LCLAT1: variants seen among roughly 807,000 people sequenced by gnomAD.
The protein encoded by LCLAT1 is 1-AGP acyltransferase 8.
Under a neutral mutation model 30.7 loss-of-function variants are expected in LCLAT1, and 11 were observed. The ratio of observed to expected loss-of-function variants is 0.36; its 90% confidence interval spans 0.23 to 0.59. The LOEUF is 0.59. LCLAT1 is among the 20% of genes least tolerant of loss of function. The pLI, the probability that LCLAT1 is intolerant of heterozygous loss-of-function variation, is 0.77. For synonymous variants in LCLAT1, 155 were observed against 151.3 expected, an observed-to-expected ratio of 1.02 and a Z score of -0.18; for missense variants, 402 against 458.6, an observed-to-expected ratio of 0.88 and a Z score of 1.13.
chr2:30,516,270 C>G (rs945215648), intron 1 of LCLAT1, among the ~76,000 whole-genome samples: 1 of 152,120 alleles, frequency 6.6e-6, no homozygotes, highest in Non-Finnish European at 1.5e-5. Context: ...AATCTTGCAA[C>G]TGCACACTCT....
intron 5 of LCLAT1, among the ~76,000 whole-genome samples, chr2:30,584,536 G>A (rs1666344389): frequency 6.6e-6 from 1 of 152,156 alleles, no homozygotes; most frequent in Non-Finnish European, 1.5e-5. Flanking sequence ...TATAGAGCTT[G>A]ATGGTGTATG....
At chr2:30,536,539 A>C (rs531180453) in intron 3 of LCLAT1, among the ~76,000 whole-genome samples, 1 of 152,262 alleles carries the variant, frequency 6.6e-6, no homozygotes, top group Non-Finnish European at 1.5e-5. Flanking sequence ...TGGCAATGCT[A>C]TTCTTTAGAA....
At chr2:30,460,632 G>T (rs772414058) in intron 1 of LCLAT1, among the ~76,000 whole-genome samples, 1 of 152,118 alleles carries the variant, frequency 6.6e-6, no homozygotes, top group African/African-American at 2.4e-5. Flanking sequence ...CCTTATAGAT[G>T]TATCTTTTGT....
intron 1 of LCLAT1, among the ~76,000 whole-genome samples, chr2:30,452,585 A>G (rs995489837): frequency 1.4e-4 from 22 of 152,184 alleles, no homozygotes; most frequent in African/African-American, 5.1e-4. Context: ...ACAATACATG[A>G]TATTTTATGA....
At chr2:30,611,499 G>C (rs1483192769) in intron 5 of LCLAT1, among the ~76,000 whole-genome samples, 1 of 152,072 alleles carries the variant, frequency 6.6e-6, no homozygotes, top group Non-Finnish European at 1.5e-5. Context: ...TTTATTTTCA[G>C]GTTTCTAAGA....
At chr2:30,499,436 C>A (rs1319567497) in intron 1 of LCLAT1, among the ~76,000 whole-genome samples, 1 of 152,216 alleles carries the variant, frequency 6.6e-6, no homozygotes, top group East Asian at 1.9e-4. Context: ...CCCACCTCGG[C>A]CTCCCAAAGT....
intron 2 of LCLAT1, among the ~76,000 whole-genome samples, chr2:30,526,502 T>A (rs1374599439): frequency 6.6e-6 from 1 of 152,204 alleles, no homozygotes; most frequent in East Asian, 1.9e-4. Context: ...AGATTTCTCA[T>A]CTATTTATTA....
At chr2:30,463,470 G>T (rs1163742640) in intron 1 of LCLAT1, among the ~76,000 whole-genome samples, 1 of 152,108 alleles carries the variant, frequency 6.6e-6, no homozygotes, top group African/African-American at 2.4e-5. Flanking sequence ...CTGAATGACT[G>T]CTTATGTTAA....
chr2:30,512,196 CTTA>C (rs1349548041), intron 1 of LCLAT1, among the ~76,000 whole-genome samples: 1 of 151,892 alleles, frequency 6.6e-6, no homozygotes, highest in African/African-American at 2.4e-5. Flanking sequence ...TTTTGGAATT[CTTA>C]TTTTATTTCA....
rs578129523 is a variant in LCLAT1, at chr2:30,484,261, A to G, written c.-5+36878A>G. Among the ~76,000 whole-genome samples the G allele has an allele frequency of 3.3e-5, 5 of 152,322 alleles. No homozygotes were observed. In the East Asian group the frequency reaches 7.7e-4, roughly 23 times the overall value. On this transcript the variant is annotated intron_variant, in intron 1 of 5. Coordinates refer to ENST00000379509, the MANE Select transcript of LCLAT1 (RefSeq NM_001002257.3). The stretch of plus-strand genomic sequence containing the variant: ...TTACCATTCATTGAGGATAATTAAT[A>G]GAATGTGCTAAAGGTTCTGCAGGGA...
At chr2:30,563,992 T>C (rs752600224) in intron 4 of LCLAT1, among the ~76,000 whole-genome samples, 2 of 152,192 alleles carry the variant, frequency 1.3e-5, no homozygotes, top group Non-Finnish European at 2.9e-5. Flanking sequence ...TAGTATATTT[T>C]TGATTTTTTA....
Position 30,640,731 on chromosome 2 carries a change from C to A in LCLAT1, c.*112C>A. The A allele has an allele frequency of 7.9e-7, 1 of 1,263,252 alleles. No homozygotes were observed. The allele number at this position is 1,263,252 out of a possible 1,614,324, so 78.3% of individuals were successfully genotyped here. A position where few individuals can be genotyped will look rare whatever the true frequency, so the allele number is the denominator to read the frequency against. On this transcript the variant is annotated 3_prime_UTR_variant, in exon 6 of 6. Coordinates refer to ENST00000379509, the MANE Select transcript of LCLAT1 (RefSeq NM_001002257.3). ...TATGTCGAATATTTCTTACTGCCAT[C>A]ATTATTTGTTAAAGATATTTTGCAC... is the stretch of plus-strand genomic sequence containing the variant.
intron 5 of LCLAT1, among the ~76,000 whole-genome samples, chr2:30,628,723 G>A (rs1255371712): frequency 2.0e-5 from 3 of 152,236 alleles, no homozygotes; most frequent in South Asian, 2.1e-4. Context: ...AAGGAGAAAC[G>A]AGGAGTTGTT....
intron 1 of LCLAT1, chr2:30,459,774 A>G: frequency 8.4e-7 from 1 of 1,189,512 alleles, no homozygotes. Flanking sequence ...TGCTTCATAT[A>G]TCTGAACACA....
intron 1 of LCLAT1, among the ~76,000 whole-genome samples, chr2:30,518,677 A>G (rs1389010303): frequency 6.6e-6 from 1 of 152,090 alleles, no homozygotes; most frequent in Non-Finnish European, 1.5e-5. Context: ...GCTGTACCTA[A>G]CCCTTATACT....
chr2:30,567,649 A>G (rs1665553712), intron 4 of LCLAT1, among the ~76,000 whole-genome samples: 1 of 152,262 alleles, frequency 6.6e-6, no homozygotes, highest in Non-Finnish European at 1.5e-5. Flanking sequence ...GACAGCCATC[A>G]GAACAAGACA....
intron 5 of LCLAT1, among the ~76,000 whole-genome samples, chr2:30,589,089 A>G (rs77883420): frequency 0.013 from 2,034 of 152,348 alleles, 46 homozygotes; most frequent in African/African-American, 0.045. Flanking sequence ...GTTATTTGGC[A>G]TTGATCCATT....
intron 3 of LCLAT1, among the ~76,000 whole-genome samples, chr2:30,540,982 G>T (rs1664111730): frequency 6.6e-6 from 1 of 152,002 alleles, no homozygotes; most frequent in African/African-American, 2.4e-5. Context: ...TTTTTTAAAG[G>T]TAATGAGGCT....
intron 5 of LCLAT1, among the ~76,000 whole-genome samples, chr2:30,581,505 A>C (rs546395530): frequency 6.6e-6 from 1 of 152,302 alleles, no homozygotes; most frequent in Admixed American, 6.5e-5. Context: ...TAGTCCACCT[A>C]AGTGTTCATA....
Sources: gnomAD v4.1 joint callset for allele counts (sites outside exome capture counted in the v4.1 genomes callset) on GRCh38, gnomAD v4.1.1 for gene constraint, MANE v1.5 for transcripts, NCBI Gene and HGNC (gene_info 2026-07-23, HGNC 2026-07-21) for gene names.